Variants in COL5A2 observed in about 807,000 individuals in gnomAD.
COL5A2 encodes the protein collagen alpha-2(V) chain.
COL5A2 carries 23 observed loss-of-function variants against 208.2 expected under a neutral mutation model. The ratio of observed to expected loss-of-function variants is 0.11; its 90% CI spans 0.08 to 0.16. COL5A2 has a LOEUF of 0.16. Among genes scored for constraint, COL5A2 ranks in the 10% least tolerant of loss-of-function variants. COL5A2 has a pLI of 1.00. For missense variants in COL5A2, 1,590 were observed against 1,956.4 expected, an observed-to-expected ratio of 0.81 and a Z score of 3.53; for synonymous variants, 625 against 628.5, an observed-to-expected ratio of 0.99 and a Z score of 0.08.
chr2:189,110,399 T>C lies in COL5A2; in HGVS notation c.148A>G (p.Asn50Asp). The change falls in exon 2 of 54, where the codon AAC becomes GAC. Residue 50 changes from asparagine (N) to aspartate (D), a missense_variant. By Grantham distance (23) the Asn-to-Asp change is conservative. Coordinates refer to ENST00000374866, the MANE Select transcript of COL5A2 (RefSeq NM_000393.5). ...ACTQNGQMYL[N>D]RDIWKPAPCQ... ...GGGGCAGGTTTCCAAATGTCCCTGT[T>C]TAAGTACATCTGGCCATTCTGAGTG... The C allele has an allele frequency of 6.2e-7, 1 of 1,614,188 alleles. No individual in the cohort carries two copies. The highest frequency in any genetic ancestry group is 8.5e-7 in the Non-Finnish European group (1 of 1,180,020).
intron 41 of COL5A2, 80 bp from the exon 42 acceptor site, chr2:189,051,561 C>A: frequency 7.8e-7 from 1 of 1,278,806 alleles, no homozygotes; most frequent in Non-Finnish European, 1.1e-6. Flanking sequence ...CTGTCTGCCT[C>A]AGATGCAGAT....
the COL5A2 span, among the ~76,000 whole-genome samples, chr2:189,314,161 G>T: frequency 6.6e-6 from 1 of 152,014 alleles, no homozygotes; most frequent in Admixed American, 6.6e-5. Context: ...TTACTACATG[G>T]CACTTACTGT....
At chr2:189,058,394 G>T in intron 33 of COL5A2, 35 bp downstream of exon 33, 1 of 1,504,780 alleles carries the variant, frequency 6.6e-7, no homozygotes, top group Non-Finnish European at 9.3e-7. Flanking sequence ...TAATTTTAAA[G>T]CATTTTAAAA....
intron 49 of COL5A2, among the ~76,000 whole-genome samples, chr2:189,042,413 T>C (rs1203733255): frequency 6.6e-6 from 1 of 152,112 alleles, no homozygotes; most frequent in Non-Finnish European, 1.5e-5. Flanking sequence ...TATTACATCA[T>C]CTCAAAAAGT....
intron 1 of COL5A2, among the ~76,000 whole-genome samples, chr2:189,185,741 T>C (rs889991082): frequency 3.3e-5 from 5 of 152,198 alleles, no homozygotes; most frequent in Admixed American, 2.6e-4. Context: ...AAAGGCATTG[T>C]TGGGTCATTG....
At chr2:189,271,027 A>C in the COL5A2 span, among the ~76,000 whole-genome samples, 27 of 152,172 alleles carry the variant, frequency 1.8e-4, no homozygotes, top group Admixed American at 1.8e-3. Context: ...AAATGGAAAA[A>C]CATTCCATGC....
chr2:189,361,625 G>T, the COL5A2 span, among the ~76,000 whole-genome samples: 1 of 151,502 alleles, frequency 6.6e-6, no homozygotes, highest in South Asian at 2.1e-4. Context: ...ATTATTGAGA[G>T]GTAAAGGTTT....
chr2:189,092,072 A>G (rs1052498848), intron 7 of COL5A2, among the ~76,000 whole-genome samples: 2 of 152,204 alleles, frequency 1.3e-5, no homozygotes, highest in Non-Finnish European at 2.9e-5. Context: ...TAGAGTCTAG[A>G]GCTGACATTG....
chr2:189,391,977 A>G, the COL5A2 span, among the ~76,000 whole-genome samples: 1 of 152,264 alleles, frequency 6.6e-6, no homozygotes, highest in East Asian at 1.9e-4. Flanking sequence ...ATAAGTTATT[A>G]ATGTTCAGTT....
chr2:189,250,252 G>T, the COL5A2 span, among the ~76,000 whole-genome samples: 3 of 152,146 alleles, frequency 2.0e-5, no homozygotes, highest in Non-Finnish European at 2.9e-5. Flanking sequence ...GATTTAATTT[G>T]CACGGCAAAT....
the COL5A2 span, among the ~76,000 whole-genome samples, chr2:189,438,478 CTG>C: frequency 1.7e-4 from 26 of 152,258 alleles, no homozygotes; most frequent in African/African-American, 6.0e-4. Flanking sequence ...AACAAATAAA[CTG>C]TGAAATAGCC....
intron 3 of COL5A2, among the ~76,000 whole-genome samples, chr2:189,103,254 C>T (rs189942589): frequency 6.6e-6 from 1 of 152,182 alleles, no homozygotes; most frequent in East Asian, 1.9e-4. Context: ...ATTTGCAGCC[C>T]TTCTCCTTTG....
At chr2:189,141,132 G>C (rs1687925793) in intron 1 of COL5A2, among the ~76,000 whole-genome samples, 2 of 152,154 alleles carry the variant, frequency 1.3e-5, no homozygotes, top group Admixed American at 6.6e-5. Context: ...GGCAGAGATG[G>C]GGCTGGGCAA....
intron 1 of COL5A2, among the ~76,000 whole-genome samples, chr2:189,170,453 T>C (rs1688551828): frequency 6.6e-6 from 1 of 152,210 alleles, no homozygotes; most frequent in African/African-American, 2.4e-5. Context: ...GGGATATTTA[T>C]TGCAGATAAG....
chr2:189,054,839 T>C (rs1576496831), intron 35 of COL5A2, among the ~76,000 whole-genome samples: 1 of 151,734 alleles, frequency 6.6e-6, no homozygotes, highest in South Asian at 2.1e-4. Flanking sequence ...GACTCCAGAG[T>C]AACTGAGACT....
At chr2:189,190,914 T>C (rs1267880946) in intron 1 of COL5A2, among the ~76,000 whole-genome samples, 1 of 152,126 alleles carries the variant, frequency 6.6e-6, no homozygotes, top group Non-Finnish European at 1.5e-5. Flanking sequence ...AAGGCTTACG[T>C]GGTTTGGTGG....
At chr2:189,112,088 C>A (rs570790091) in intron 1 of COL5A2, among the ~76,000 whole-genome samples, 1 of 152,056 alleles carries the variant, frequency 6.6e-6, no homozygotes, top group Non-Finnish European at 1.5e-5. Context: ...GTCTCCTGAC[C>A]TCAAGTGATC....
chr2:189,348,771 T>C, the COL5A2 span, among the ~76,000 whole-genome samples: 1 of 152,172 alleles, frequency 6.6e-6, no homozygotes, highest in Non-Finnish European at 1.5e-5. Context: ...TGCTGACTAA[T>C]TGGCAGGGTC....
chr2:189,098,563 C>T (rs549669096), intron 5 of COL5A2, among the ~76,000 whole-genome samples, 164 bp downstream of exon 5: 1 of 152,364 alleles, frequency 6.6e-6, no homozygotes, highest in South Asian at 2.1e-4. Context: ...CCATTCATTG[C>T]TGCAAAGCAA....
Sources: gnomAD v4.1 joint callset for allele counts (sites outside exome capture counted in the v4.1 genomes callset) on GRCh38, gnomAD v4.1.1 for gene constraint, MANE v1.5 for transcripts, NCBI Gene and HGNC (gene_info 2026-07-23, HGNC 2026-07-21) for gene names.